Variants in VGLL4 observed in about 807,000 individuals in gnomAD.
VGLL4 encodes the protein transcription cofactor vestigial-like protein 4.
Under a neutral mutation model 21.0 loss-of-function variants are expected in VGLL4, and 7 were observed. The ratio of observed to expected loss-of-function variants is 0.33; its 90% CI spans 0.19 to 0.63. VGLL4 has a LOEUF of 0.63. VGLL4 is among the 20% of genes least tolerant of loss of function. The pLI is 0.78. For synonymous variants in VGLL4, 222 were observed against 173.2 expected (o/e 1.28, Z -2.21); for missense variants, 394 against 425.7 (o/e 0.93, Z 0.66).
chr3:11,639,209 C>T (rs1228109760), intron 1 of VGLL4, among the ~76,000 whole-genome samples: 1 of 152,238 alleles, frequency 6.6e-6, no homozygotes, highest in Admixed American at 6.5e-5. Flanking sequence ...GATGTCAGTG[C>T]AGCGACAGCG....
upstream of VGLL4, among the ~76,000 whole-genome samples, chr3:11,646,664 A>G (rs1393122695): frequency 6.6e-6 from 1 of 152,268 alleles, no homozygotes; most frequent in Non-Finnish European, 1.5e-5. Flanking sequence ...ATACCATTGT[A>G]GAAAATGAAT....
chr3:11,639,016 G>A (rs906589375), intron 1 of VGLL4, among the ~76,000 whole-genome samples: 1 of 152,188 alleles, frequency 6.6e-6, no homozygotes, highest in Non-Finnish European at 1.5e-5. Context: ...AGCTTTGAGA[G>A]GATCACACTA....
chr3:11,643,257 C>A (rs925547553), intron 1 of VGLL4, among the ~76,000 whole-genome samples, 180 bp downstream of exon 1: 2 of 152,128 alleles, frequency 1.3e-5, no homozygotes, highest in African/African-American at 4.8e-5. Context: ...CCCTCCACCG[C>A]CCCCCGCAGC....
At chr3:11,627,901 A>T (rs2075388997) in intron 1 of VGLL4, among the ~76,000 whole-genome samples, 1 of 152,240 alleles carries the variant, frequency 6.6e-6, no homozygotes, top group Non-Finnish European at 1.5e-5. Context: ...AAAGTACAAA[A>T]GTTACTTTAG....
intron 3 of VGLL4, among the ~76,000 whole-genome samples, chr3:11,562,458 A>T (rs1396053579): frequency 6.6e-6 from 1 of 152,086 alleles, no homozygotes; most frequent in Non-Finnish European, 1.5e-5. Flanking sequence ...CTGCCTGTGG[A>T]CACAGAGCTT....
chr3:11,704,459 T>A (rs2076731455), intron 1 of VGLL4, among the ~76,000 whole-genome samples: 1 of 150,580 alleles, frequency 6.6e-6, no homozygotes, highest in Admixed American at 6.6e-5. Flanking sequence ...GCAATATGAC[T>A]TCATTCAGTA....
chr3:11,627,686 C>T (rs2075384825), intron 1 of VGLL4, among the ~76,000 whole-genome samples: 1 of 151,338 alleles, frequency 6.6e-6, no homozygotes, highest in Non-Finnish European at 1.5e-5. Context: ...GTAACTATTA[C>T]TTATTTAGAT....
At chr3:11,668,004 C>A (rs929970863) in intron 2 of VGLL4, among the ~76,000 whole-genome samples, 2 of 151,822 alleles carry the variant, frequency 1.3e-5, no homozygotes, top group Non-Finnish European at 2.9e-5. Context: ...CAGGCACACA[C>A]CACCACGCCT....
chr3:11,634,745 T>C (rs1391015453), intron 1 of VGLL4, among the ~76,000 whole-genome samples: 2 of 152,034 alleles, frequency 1.3e-5, no homozygotes, highest in East Asian at 1.9e-4. Flanking sequence ...TGGGATGATA[T>C]TGGCTCACTG....
At chr3:11,625,451 CT>C (rs1179092879) in intron 1 of VGLL4, among the ~76,000 whole-genome samples, 1 of 152,224 alleles carries the variant, frequency 6.6e-6, no homozygotes, top group Admixed American at 6.5e-5. Flanking sequence ...ATATCCATAT[CT>C]ATAGCTCCAT....
At chr3:11,574,785 A>ATGTGTGTG (rs375691226) in intron 2 of VGLL4, among the ~76,000 whole-genome samples, 4,534 of 121,630 alleles carry the variant, frequency 0.037, 151 homozygotes, top group East Asian at 0.098. Context: ...TCAACTATAT[A>ATGTGTGTG]TGTGTGTGTG....
chr3:11,681,337 T>C (rs978993925), intron 2 of VGLL4, among the ~76,000 whole-genome samples: 9 of 152,208 alleles, frequency 5.9e-5, no homozygotes, highest in African/African-American at 1.7e-4. Context: ...GACCTTGTGA[T>C]CCACCTGCCC....
intron 2 of VGLL4, among the ~76,000 whole-genome samples, chr3:11,691,903 T>TG (rs2076531313): frequency 6.6e-6 from 1 of 151,236 alleles, no homozygotes; most frequent in East Asian, 1.9e-4. Flanking sequence ...ACTGGAGATG[T>TG]TCACACCAGA....
chr3:11,608,527 A>T (rs2074995246), intron 1 of VGLL4, among the ~76,000 whole-genome samples: 1 of 152,210 alleles, frequency 6.6e-6, no homozygotes, highest in Non-Finnish European at 1.5e-5. Context: ...TAACAGAGAG[A>T]AATGAAAAGA....
At chr3:11,694,092 T>C (rs1296127144) in intron 2 of VGLL4, among the ~76,000 whole-genome samples, 1 of 152,192 alleles carries the variant, frequency 6.6e-6, no homozygotes, top group Non-Finnish European at 1.5e-5. Flanking sequence ...TGGGACTAAT[T>C]ATAGTACCTA....
At chr3:11,706,325 A>T (rs1051979220) in intron 1 of VGLL4, among the ~76,000 whole-genome samples, 1 of 152,220 alleles carries the variant, frequency 6.6e-6, no homozygotes, top group Non-Finnish European at 1.5e-5. Flanking sequence ...AATGAAATCA[A>T]CCAATGTTTA....
At chr3:11,707,921 A>C (rs751183754) in intron 1 of VGLL4, among the ~76,000 whole-genome samples, 1 of 152,168 alleles carries the variant, frequency 6.6e-6, no homozygotes, top group Non-Finnish European at 1.5e-5. Context: ...CACAGCACTA[A>C]ATAAACCCAA....
chr3:11,617,371 G>A (rs1262128545), intron 1 of VGLL4, among the ~76,000 whole-genome samples: 2 of 151,994 alleles, frequency 1.3e-5, no homozygotes, highest in East Asian at 1.9e-4. Flanking sequence ...ACAGGTGAAC[G>A]GCTGAGACCT....
At chr3:11,650,718 A>AACACACACAC (rs10539636) in intron 2 of VGLL4, among the ~76,000 whole-genome samples, 1 of 147,522 alleles carries the variant, frequency 6.8e-6, no homozygotes, top group Non-Finnish European at 1.5e-5. Flanking sequence ...ACACATAGAA[A>AACACACACAC]ACACACACAC....
Sources: allele counts gnomAD v4.1 joint callset (sites outside exome capture counted in the v4.1 genomes callset), GRCh38; gene constraint gnomAD v4.1.1; transcripts MANE v1.5; gene names NCBI Gene and HGNC (gene_info 2026-07-23, HGNC 2026-07-21).